KIF13B: variants seen among roughly 807,000 people sequenced by gnomAD.
KIF13B encodes kinesin-like protein KIF13B.
A neutral mutation model predicts 222.0 loss-of-function variants in KIF13B; 127 were observed. That is an observed-to-expected ratio of 0.57 (90% confidence interval 0.50 to 0.66). The LOEUF (loss-of-function observed/expected upper bound fraction) is 0.66. KIF13B is among the 30% of genes least tolerant of loss of function. KIF13B has a pLI of 0.00. For missense variants in KIF13B, 2,173 were observed against 2,379.0 expected, an observed-to-expected ratio of 0.91 and a Z score of 1.80; for synonymous variants, 976 against 919.0, an observed-to-expected ratio of 1.06 and a Z score of -1.12.
At chr8:29,075,374 G>C (rs374821262) in intron 37 of KIF13B, 31 bp from the exon 38 acceptor site, 1 of 1,545,998 alleles carries the variant, frequency 6.5e-7, no homozygotes, top group Non-Finnish European at 8.7e-7. Flanking sequence ...GTCAGGGGTC[G>C]AGAGGACAGA....
chr8:29,099,348 C>T (rs1808686551), intron 35 of KIF13B, 107 bp from the exon 36 acceptor site: 2 of 725,422 alleles, frequency 2.8e-6, no homozygotes, highest in Non-Finnish European at 4.7e-6. Flanking sequence ...ACTAAAGCTC[C>T]TTTGAATATA....
chr8:29,246,237 C>G (rs1049792808), intron 1 of KIF13B, among the ~76,000 whole-genome samples: 5 of 151,994 alleles, frequency 3.3e-5, no homozygotes, highest in Admixed American at 6.6e-5. Context: ...ATCAGCCAGA[C>G]ATGGTGGTGG....
chr8:29,172,082 CT>C (rs35655869), intron 10 of KIF13B, among the ~76,000 whole-genome samples: 34 of 113,256 alleles, frequency 3.0e-4, no homozygotes, highest in Admixed American at 5.2e-4. Context: ...ATTTTCTTTT[CT>C]TTTTTTTTTT....
intron 27 of KIF13B, 45 bp downstream of exon 27, chr8:29,123,979 G>T: frequency 8.9e-7 from 1 of 1,120,500 alleles, no homozygotes. Flanking sequence ...AATTAATTAT[G>T]CATTGATTTG....
At chr8:29,117,141 C>T in intron 30 of KIF13B, 134 bp from the exon 31 acceptor site, 1 of 647,762 alleles carries the variant, frequency 1.5e-6, no homozygotes, top group Non-Finnish European at 2.5e-6. Context: ...GACAGCTGCC[C>T]TGAAAAGACA....
intron 16 of KIF13B, 126 bp downstream of exon 16, chr8:29,148,451 A>T: frequency 1.9e-6 from 1 of 530,024 alleles, no homozygotes; most frequent in South Asian, 4.5e-5. Context: ...CAGGCTAAAG[A>T]GCAGTGGTTA....
At chr8:29,177,929 C>T (rs1304802670) in intron 8 of KIF13B, among the ~76,000 whole-genome samples, 2 of 152,090 alleles carry the variant, frequency 1.3e-5, no homozygotes, top group Non-Finnish European at 2.9e-5. Context: ...ATACAAAAAG[C>T]AGTTCTGTCA....
At chr8:29,243,425 C>T (rs986400601) in intron 2 of KIF13B, among the ~76,000 whole-genome samples, 20 of 148,970 alleles carry the variant, frequency 1.3e-4, no homozygotes, top group Non-Finnish European at 2.2e-4. Flanking sequence ...GGGAGGCCGA[C>T]GCAGGCAGAT....
chr8:29,077,035 C>T (rs1417600056), intron 37 of KIF13B, among the ~76,000 whole-genome samples: 1 of 152,196 alleles, frequency 6.6e-6, no homozygotes, highest in East Asian at 1.9e-4. Context: ...GGAATGTGTA[C>T]TTTACACTGC....
At chr8:29,144,789 C>T (rs573833277) in intron 18 of KIF13B, among the ~76,000 whole-genome samples, 9 of 152,246 alleles carry the variant, frequency 5.9e-5, no homozygotes, top group Admixed American at 5.9e-4. Context: ...ATGGACAGGA[C>T]TTTAAACAAC....
rs201077981 is a variant in KIF13B at position 29,092,764 on chromosome 8, G to T, written c.4439C>A (p.Pro1480Gln). 1 of 1,612,608 alleles carries T rather than the reference G, an allele frequency of 6.2e-7. No individual in the cohort carries two copies. Residue 1480 changes from proline (P) to glutamine (Q), a missense_variant, in exon 37 of 40, where the codon CCG becomes CAG. Pro to Gln is a moderately conservative substitution (Grantham distance 76). Coordinates refer to ENST00000524189, the MANE Select transcript of KIF13B (RefSeq NM_015254.4). ...PVRDEKRGKRPSPLAHQPVPR... is the reference protein window; with the variant it reads ...PVRDEKRGKRQSPLAHQPVPR... ...TTTTACCTGGTGTGCGAGGGGAGAC[G>T]GCCGCTTGCCCCTCTTCTCATCGCG... is the stretch of plus-strand genomic sequence containing the variant.
chr8:29,159,352 G>A (rs1008167148), intron 13 of KIF13B, among the ~76,000 whole-genome samples: 1 of 152,104 alleles, frequency 6.6e-6, no homozygotes, highest in Non-Finnish European at 1.5e-5. Flanking sequence ...GTTTCATCAT[G>A]TTGGCCAGGC....
At chr8:29,261,701 G>A (rs1816685145) in intron 1 of KIF13B, among the ~76,000 whole-genome samples, 1 of 152,098 alleles carries the variant, frequency 6.6e-6, no homozygotes, top group Non-Finnish European at 1.5e-5. Context: ...ACTCAATCTT[G>A]CACTAGTTGA....
intron 30 of KIF13B, among the ~76,000 whole-genome samples, chr8:29,118,567 G>A (rs147851967): frequency 1.2e-4 from 18 of 152,148 alleles, no homozygotes; most frequent in Admixed American, 3.3e-4. Context: ...ACGCACTTCC[G>A]CAGCCCCTGC....
chr8:29,090,241 G>T (rs890791168), intron 37 of KIF13B, among the ~76,000 whole-genome samples: 2 of 152,170 alleles, frequency 1.3e-5, no homozygotes, highest in Non-Finnish European at 2.9e-5. Flanking sequence ...CCTTTCAGTG[G>T]GAGACACTGG....
Position 29,118,914 on chromosome 8 carries a change from T to C in KIF13B, c.3614A>G (p.Glu1205Gly), listed in dbSNP as rs1461376417. 1 of 1,613,818 alleles carries C rather than the reference T, an allele frequency of 6.2e-7. No homozygotes were observed. The change falls in exon 30 of 40, where the codon GAA becomes GGA. Residue 1205 changes from glutamate (E) to glycine (G), a missense_variant. This residue lies in a region of KIF13B where 1,480 missense variants were observed against 1,722.8 expected (regional missense o/e 0.86). Coordinates refer to ENST00000524189, the MANE Select transcript of KIF13B (RefSeq NM_015254.4). ...AATCTGCAATTCAAAGAACTCCTCT[T>C]CTTCTTCCCCAGTCAAGGTCGCATC... Reference protein sequence around the residue: ...GWDATLTGEEEEEFFELQIVK... With the variant: ...GWDATLTGEEGEEFFELQIVK...
At chr8:29,150,417 G>A (rs1563742973) in intron 14 of KIF13B, 34 bp from the exon 15 acceptor site, 2 of 1,030,952 alleles carry the variant, frequency 1.9e-6, no homozygotes, top group Non-Finnish European at 3.0e-6. Context: ...TGAATGATGA[G>A]TACAGTATCA....
At chr8:29,207,088 G>A (rs1358293582) in intron 2 of KIF13B, among the ~76,000 whole-genome samples, 1 of 152,042 alleles carries the variant, frequency 6.6e-6, no homozygotes, top group Non-Finnish European at 1.5e-5. Context: ...ACCCCTCAAT[G>A]GCTCCCAACT....
At chr8:29,146,269 G>T (rs77120486) in intron 18 of KIF13B, 109 bp downstream of exon 18, 1 of 1,094,092 alleles carries the variant, frequency 9.1e-7, no homozygotes, top group Admixed American at 1.7e-5. Context: ...CAAAGGATCT[G>T]GACTTGGGGC....
Sources: allele counts gnomAD v4.1 joint callset (sites outside exome capture counted in the v4.1 genomes callset), GRCh38; gene constraint gnomAD v4.1.1; regional missense constraint gnomAD v4.1.1; transcripts MANE v1.5; gene names NCBI Gene and HGNC (gene_info 2026-07-23, HGNC 2026-07-21).